RPS6KC1: variants seen among roughly 807,000 people sequenced by gnomAD.
The protein encoded by RPS6KC1 is inactive ribosomal protein S6 kinase delta-1.
A neutral mutation model predicts 103.8 loss-of-function variants in RPS6KC1; 54 were observed. The observed-to-expected ratio is 0.52, with a 90% CI of 0.42 to 0.65. The LOEUF is 0.65. Ranked by LOEUF, RPS6KC1 falls within the 30% of genes least tolerant of loss-of-function variation. The pLI is 0.00. For missense variants in RPS6KC1, 1,151 were observed against 1,253.8 expected (o/e 0.92, Z 1.24); for synonymous variants, 439 against 438.7 (o/e 1.00, Z -0.01).
chr1:213,702,672 C>A, the RPS6KC1 span, among the ~76,000 whole-genome samples: 1 of 151,904 alleles, frequency 6.6e-6, no homozygotes, highest in African/African-American at 2.4e-5. Flanking sequence ...TAGTGTAATT[C>A]TTTGACTCTT....
chr1:213,261,526 A>AT, intron 12 of RPS6KC1, 32 bp from the exon 13 acceptor site: 2 of 1,597,204 alleles, frequency 1.3e-6, no homozygotes, highest in Non-Finnish European at 1.7e-6. Context: ...GACCTTTGGA[A>AT]TTTTAATATC....
the RPS6KC1 span, among the ~76,000 whole-genome samples, chr1:213,513,440 C>CTT: frequency 1.4e-5 from 2 of 141,298 alleles, no homozygotes; most frequent in African/African-American, 5.1e-5. Context: ...GGTCAGGGGA[C>CTT]TTTGTAGTAG....
At chr1:213,329,915 G>A in the RPS6KC1 span, among the ~76,000 whole-genome samples, 3 of 151,824 alleles carry the variant, frequency 2.0e-5, no homozygotes, top group South Asian at 2.1e-4. Context: ...TCTCTGAGCC[G>A]GCAAGTGAAA....
chr1:213,126,127 A>C (rs532450876), intron 5 of RPS6KC1, among the ~76,000 whole-genome samples: 1 of 152,224 alleles, frequency 6.6e-6, no homozygotes, highest in Admixed American at 6.5e-5. Context: ...ATCAGTTTCA[A>C]TGGGCTAGAT....
chr1:213,180,528 G>A (rs190278217), intron 8 of RPS6KC1, among the ~76,000 whole-genome samples: 21 of 152,162 alleles, frequency 1.4e-4, no homozygotes, highest in Admixed American at 1.3e-3. Context: ...AGTGAAGGCT[G>A]AAAGATTGAT....
At chr1:213,584,357 G>A in the RPS6KC1 span, among the ~76,000 whole-genome samples, 1 of 152,158 alleles carries the variant, frequency 6.6e-6, no homozygotes, top group African/African-American at 2.4e-5. Flanking sequence ...GCAGTCCCTA[G>A]AACACTCTTT....
the RPS6KC1 span, among the ~76,000 whole-genome samples, chr1:213,789,152 A>T: frequency 6.6e-6 from 1 of 152,128 alleles, no homozygotes; most frequent in African/African-American, 2.4e-5. Context: ...GGGAAAAGAA[A>T]GGTTGGAATT....
the RPS6KC1 span, among the ~76,000 whole-genome samples, chr1:213,543,120 G>T: frequency 6.6e-6 from 1 of 152,188 alleles, no homozygotes; most frequent in African/African-American, 2.4e-5. Flanking sequence ...CATGGGTATA[G>T]CCACGGGAGC....
At chr1:213,747,800 G>A in the RPS6KC1 span, among the ~76,000 whole-genome samples, 3 of 152,112 alleles carry the variant, frequency 2.0e-5, no homozygotes, top group Non-Finnish European at 4.4e-5. Flanking sequence ...GTACTCTGCT[G>A]GTGTCATGGA....
the RPS6KC1 span, among the ~76,000 whole-genome samples, chr1:213,409,068 C>T: frequency 1.3e-4 from 19 of 151,988 alleles, no homozygotes; most frequent in African/African-American, 1.9e-4. Flanking sequence ...AGGTGGAAAG[C>T]GGAGGAGTGA....
the RPS6KC1 span, among the ~76,000 whole-genome samples, chr1:213,730,358 A>G: frequency 5.9e-5 from 9 of 152,352 alleles, no homozygotes; most frequent in Non-Finnish European, 1.0e-4. Context: ...ATTGTCTTCC[A>G]CAATGGTTGA....
the RPS6KC1 span, among the ~76,000 whole-genome samples, chr1:213,518,733 A>G: frequency 6.6e-6 from 1 of 152,204 alleles, no homozygotes; most frequent in Non-Finnish European, 1.5e-5. Context: ...ATCAGCTGGA[A>G]TGAGCATATG....
At chr1:213,463,875 G>C in the RPS6KC1 span, among the ~76,000 whole-genome samples, 1 of 152,154 alleles carries the variant, frequency 6.6e-6, no homozygotes, top group Non-Finnish European at 1.5e-5. Flanking sequence ...TTTGGGCTTT[G>C]TAGGCCATTT....
intron 8 of RPS6KC1, among the ~76,000 whole-genome samples, chr1:213,183,762 C>G (rs1354851217): frequency 6.6e-6 from 1 of 151,782 alleles, no homozygotes; most frequent in Admixed American, 6.6e-5. Flanking sequence ...AAACCTAAAG[C>G]AAGCAGGAGG....
intron 4 of RPS6KC1, among the ~76,000 whole-genome samples, chr1:213,106,505 T>C (rs553464794): frequency 6.6e-6 from 1 of 152,290 alleles, no homozygotes; most frequent in African/African-American, 2.4e-5. Context: ...CACATGCCCA[T>C]CCTTAATTTG....
At chr1:213,600,197 G>T in the RPS6KC1 span, among the ~76,000 whole-genome samples, 2 of 152,250 alleles carry the variant, frequency 1.3e-5, no homozygotes, top group African/African-American at 4.8e-5. Context: ...ATGTGGAACT[G>T]TGAGTCAATT....
chr1:213,613,482 A>G, the RPS6KC1 span, among the ~76,000 whole-genome samples: 4 of 152,206 alleles, frequency 2.6e-5, no homozygotes, highest in South Asian at 4.1e-4. Context: ...AGGCCCAGAA[A>G]GGGACTGTGG....
At chr1:213,549,612 C>CTTTTTTTTTTTTTTTTTTTTTTTTTTT in the RPS6KC1 span, among the ~76,000 whole-genome samples, 3 of 86,914 alleles carry the variant, frequency 3.5e-5, no homozygotes, top group African/African-American at 4.9e-5. Context: ...TTTTCTTTTC[C>CTTTTTTTTTTTTTTTTTTTTTTTTTTT]TTTTTTTTTT....
At chr1:213,652,905 A>G in the RPS6KC1 span, among the ~76,000 whole-genome samples, 7 of 152,240 alleles carry the variant, frequency 4.6e-5, no homozygotes, top group African/African-American at 1.4e-4. Flanking sequence ...TTTCTGAGCC[A>G]TGAAGTTTTG....
Sources: allele counts gnomAD v4.1 joint callset (sites outside exome capture counted in the v4.1 genomes callset), GRCh38; gene constraint gnomAD v4.1.1; transcripts MANE v1.5; gene names NCBI Gene and HGNC (gene_info 2026-07-23, HGNC 2026-07-21).